The following SIMC1 variants were observed in gnomAD, a reference collection of about 807,000 sequenced individuals.
SIMC1 encodes the protein SUMO-interacting motif-containing protein 1.
In SIMC1, 55 loss-of-function variants were observed where a neutral mutation model predicts 82.3. The observed-to-expected ratio is 0.67, with a 90% CI of 0.54 to 0.84. The LOEUF (loss-of-function observed/expected upper bound fraction) is 0.84. Among genes scored for constraint, SIMC1 ranks in the 40% least tolerant of loss-of-function variants. The pLI, the probability that SIMC1 is intolerant of heterozygous loss-of-function variation, is 0.00. For missense variants in SIMC1, 915 were observed against 1,107.2 expected (o/e 0.83, Z 2.46); for synonymous variants, 353 against 426.3 (o/e 0.83, Z 2.12).
chr5:176,304,959 C>T (rs1323847065), intron 4 of SIMC1, among the ~76,000 whole-genome samples: 1 of 121,412 alleles, frequency 8.2e-6, no homozygotes, highest in Non-Finnish European at 1.8e-5. Flanking sequence ...GCAACCACCC[C>T]GTCTGAGAAG....
intron 3 of SIMC1, among the ~76,000 whole-genome samples, chr5:176,295,899 T>G (rs574718193): frequency 1.3e-5 from 2 of 152,318 alleles, no homozygotes; most frequent in South Asian, 4.1e-4. Flanking sequence ...ACCATATCTT[T>G]GAGCCAATCA....
chr5:176,329,441 C>T (rs1765535711), intron 7 of SIMC1, among the ~76,000 whole-genome samples: 2 of 148,874 alleles, frequency 1.3e-5, no homozygotes, highest in African/African-American at 5.0e-5. Context: ...AGTGCAACTG[C>T]AGTCCAGCCT....
chr5:176,273,665 C>T (rs1047726483), intron 1 of SIMC1, among the ~76,000 whole-genome samples: 5 of 152,160 alleles, frequency 3.3e-5, no homozygotes, highest in Non-Finnish European at 7.3e-5. Flanking sequence ...TCACCTCACC[C>T]CACAACAGTC....
At position 176,289,642 on chromosome 5, in the gene SIMC1, A is replaced by C. The variant is rs1479434665; in HGVS notation, c.130-12A>C. 1 of 1,564,716 alleles carries C rather than the reference A, an allele frequency of 6.4e-7. No individual in the cohort carries two copies. The stretch of plus-strand genomic sequence containing the variant: ...CATCTTGACCTCTTTTCTTCACACA[A>C]TCCTTCAACAGGACTTCATTGACTT... On this transcript the variant is annotated splice_polypyrimidine_tract_variant and intron_variant, in intron 1 of 9. Coordinates refer to ENST00000429602, the MANE Select transcript of SIMC1 (RefSeq NM_001308195.2).
Position 176,345,412 on chromosome 5 carries a change from A to C in SIMC1, c.2643A>C (p.Ala881=). Residue 881 remains alanine (A), a synonymous_variant, in exon 10 of 10, where the codon GCA becomes GCC. Coordinates refer to ENST00000429602, the MANE Select transcript of SIMC1 (RefSeq NM_001308195.2). ...LFYAADLNPD[A]EPFQKGWSGS ...ATGCTGCGGACTTGAACCCTGATGCAGAGCCCTTTCAAAAGGGCTGGAGCG... is the reference window on the plus strand; with the variant it reads ...ATGCTGCGGACTTGAACCCTGATGCCGAGCCCTTTCAAAAGGGCTGGAGCG... The C allele has an allele frequency of 6.2e-7, 1 of 1,613,910 alleles. No individual in the cohort carries two copies. Among genetic ancestry groups the C allele is most frequent in the South Asian group, 1.1e-5 (1 of 91,080 alleles).
chr5:176,279,142 T>C (rs1762859417), intron 1 of SIMC1, among the ~76,000 whole-genome samples: 1 of 152,238 alleles, frequency 6.6e-6, no homozygotes, highest in Admixed American at 6.5e-5. Context: ...GTTATTGGTC[T>C]ATTCAGAGAT....
At chr5:176,275,005 C>G (rs1762621776) in intron 1 of SIMC1, among the ~76,000 whole-genome samples, 1 of 151,696 alleles carries the variant, frequency 6.6e-6, no homozygotes, top group South Asian at 2.1e-4. Context: ...TTTTCCAATT[C>G]TGTGAAGAAA....
At chr5:176,242,055 A>G (rs1026474966) in intron 1 of SIMC1, among the ~76,000 whole-genome samples, 16 of 150,094 alleles carry the variant, frequency 1.1e-4, no homozygotes, top group Admixed American at 8.6e-4. Flanking sequence ...GTATATGTGG[A>G]AAAAAACCCA....
chr5:176,285,701 CCT>C (rs1763241872), intron 1 of SIMC1, among the ~76,000 whole-genome samples: 2 of 152,096 alleles, frequency 1.3e-5, no homozygotes, highest in Admixed American at 1.3e-4. Context: ...TCAAATTGTC[CCT>C]GTTTGCAGAT....
At chr5:176,337,192 G>A in intron 9 of SIMC1, 46 bp downstream of exon 9, 1 of 1,479,468 alleles carries the variant, frequency 6.8e-7, no homozygotes, top group Non-Finnish European at 9.4e-7. Context: ...GGTCTCAATG[G>A]ACATTTGTAT....
intron 1 of SIMC1, among the ~76,000 whole-genome samples, chr5:176,253,637 G>A (rs1761762500): frequency 6.6e-6 from 1 of 152,144 alleles, no homozygotes; most frequent in African/African-American, 2.4e-5. Flanking sequence ...AGCCACGTTT[G>A]AGCAACAAGG....
chr5:176,315,762 C>T (rs1355648576), intron 5 of SIMC1, among the ~76,000 whole-genome samples: 2 of 152,146 alleles, frequency 1.3e-5, no homozygotes, highest in Non-Finnish European at 2.9e-5. Flanking sequence ...TTTACATGCC[C>T]ATATTTATTT....
chr5:176,241,869 A>C (rs1202146101), intron 1 of SIMC1, among the ~76,000 whole-genome samples: 1 of 151,910 alleles, frequency 6.6e-6, no homozygotes, highest in African/African-American at 2.4e-5. Context: ...TGTCTGAAAT[A>C]GGGGACAACC....
chr5:176,291,406 C>G (rs865809699), intron 2 of SIMC1, among the ~76,000 whole-genome samples: 6 of 149,204 alleles, frequency 4.0e-5, no homozygotes, highest in African/African-American at 1.5e-4. Context: ...GCACGATCTC[C>G]GCTCACTGCA....
chr5:176,279,360 CTCTT>C (rs1762873489), intron 1 of SIMC1, among the ~76,000 whole-genome samples: 1 of 152,082 alleles, frequency 6.6e-6, no homozygotes, highest in South Asian at 2.1e-4. Flanking sequence ...TGATTCTTCT[CTCTT>C]TTTTTCTTTA....
intron 1 of SIMC1, among the ~76,000 whole-genome samples, chr5:176,287,655 TAAAAA>T (rs1180564069): frequency 2.1e-5 from 2 of 97,032 alleles, no homozygotes; most frequent in Non-Finnish European, 4.3e-5. Context: ...TAAAAATAAA[TAAAAA>T]TAAAATGTAA....
chr5:176,303,333 T>G (rs546326951), intron 4 of SIMC1, among the ~76,000 whole-genome samples: 82 of 150,476 alleles, frequency 5.4e-4, no homozygotes, highest in African/African-American at 2.0e-3. Context: ...CAATTTTTTT[T>G]TTTTTTTTTT....
chr5:176,305,113 C>T (rs933893877), intron 4 of SIMC1, among the ~76,000 whole-genome samples: 1 of 147,440 alleles, frequency 6.8e-6, no homozygotes, highest in African/African-American at 2.5e-5. Flanking sequence ...AGCCCCGACG[C>T]CCGGCCAGCC....
At chr5:176,285,506 T>C (rs201224011) in intron 1 of SIMC1, among the ~76,000 whole-genome samples, 37 of 152,136 alleles carry the variant, frequency 2.4e-4, no homozygotes, top group African/African-American at 7.5e-4. Flanking sequence ...TAAGAGCTGT[T>C]TATGACAAAC....
Sources: allele counts gnomAD v4.1 joint callset (sites outside exome capture counted in the v4.1 genomes callset), GRCh38; gene constraint gnomAD v4.1.1; transcripts MANE v1.5; gene names NCBI Gene and HGNC (gene_info 2026-07-23, HGNC 2026-07-21).